Variants in EFL1 observed in about 807,000 individuals in gnomAD.
The protein encoded by EFL1 is elongation factor-like GTPase 1.
EFL1 carries 76 observed loss-of-function variants against 126.7 expected under a neutral mutation model. The observed-to-expected ratio is 0.60, with a 90% CI of 0.50 to 0.73. The LOEUF is 0.73. EFL1 is among the 30% of genes least tolerant of loss of function. The probability of loss-of-function intolerance (pLI) is 0.00; values close to 1 mark genes in which losing one functional copy is unlikely to be tolerated. For synonymous variants in EFL1, 410 were observed against 448.4 expected, an observed-to-expected ratio of 0.91 and a Z score of 1.08; for missense variants, 1,128 against 1,343.2, an observed-to-expected ratio of 0.84 and a Z score of 2.50.
Position 82,152,227 on chromosome 15 carries a change from T to C in EFL1, c.2227A>G (p.Thr743Ala). 1.2e-6 allele frequency: 2 copies of C among 1,614,170 alleles called. No homozygotes were observed. Among genetic ancestry groups the C allele is most frequent in the South Asian group, 2.2e-5 (2 of 91,076 alleles). The change falls in exon 18 of 20, where the codon ACA becomes GCA. Residue 743 changes from threonine (T) to alanine (A), a missense_variant. By Grantham distance (58) the Thr-to-Ala change is moderately conservative (BLOSUM62 0). This residue lies in a region of EFL1 where 561 missense variants were observed against 641.7 expected (regional missense o/e 0.87). Transcript: ENST00000268206. ...QVDSDGLITI[T>A]TPNKLATLSV... ...AGCGTGGCAAGTTTATTGGGAGTTGTTATGGTGATTAGCCCGTCAGAGTCA... is the reference window on the plus strand; with the variant it reads ...AGCGTGGCAAGTTTATTGGGAGTTGCTATGGTGATTAGCCCGTCAGAGTCA...
chr15:82,176,604 C>T (rs1324785647), intron 15 of EFL1, among the ~76,000 whole-genome samples: 2 of 152,112 alleles, frequency 1.3e-5, no homozygotes, highest in Non-Finnish European at 2.9e-5. Context: ...TAGTCACCAG[C>T]AAAATCTACG....
chr15:82,176,706 C>T (rs532364886), intron 15 of EFL1, among the ~76,000 whole-genome samples: 14 of 152,202 alleles, frequency 9.2e-5, no homozygotes, highest in Admixed American at 2.6e-4. Context: ...TTTCAGATAC[C>T]CCTGGTGGAA....
At chr15:82,226,433 C>T (rs2074764731) in intron 11 of EFL1, among the ~76,000 whole-genome samples, 1 of 152,112 alleles carries the variant, frequency 6.6e-6, no homozygotes, top group African/African-American at 2.4e-5. Flanking sequence ...GAAGAATAAA[C>T]AGGATTTGCT....
At chr15:82,130,627 G>A in intron 19 of EFL1, 66 bp from the exon 20 acceptor site, 1 of 1,536,578 alleles carries the variant, frequency 6.5e-7, no homozygotes, top group Non-Finnish European at 8.9e-7. Flanking sequence ...TATTCACTGA[G>A]CTCCCCAATT....
chr15:82,228,460 G>C (rs1283227356), intron 9 of EFL1, 133 bp from the exon 10 acceptor site: 3 of 1,164,956 alleles, frequency 2.6e-6, no homozygotes, highest in Non-Finnish European at 3.5e-6. Context: ...TGATTGAAGG[G>C]AATCCTGCCG....
At chr15:82,199,981 T>C (rs1210416579) in intron 15 of EFL1, among the ~76,000 whole-genome samples, 5 of 152,130 alleles carry the variant, frequency 3.3e-5, no homozygotes, top group Non-Finnish European at 7.3e-5. Context: ...AATCAAACAA[T>C]ACAGGCTTGC....
intron 19 of EFL1, among the ~76,000 whole-genome samples, chr15:82,134,954 T>TC (rs1217431237): frequency 1.3e-5 from 2 of 152,212 alleles, no homozygotes; most frequent in African/African-American, 4.8e-5. Flanking sequence ...AGAATACAAA[T>TC]GAAAAGAAGT....
intron 11 of EFL1, among the ~76,000 whole-genome samples, chr15:82,225,613 T>C (rs1455701874): frequency 6.6e-6 from 1 of 152,222 alleles, no homozygotes; most frequent in Non-Finnish European, 1.5e-5. Context: ...GAAAATAGAA[T>C]TGAGGAATGT....
At chr15:82,138,259 A>G (rs548539443) in intron 19 of EFL1, among the ~76,000 whole-genome samples, 2 of 151,716 alleles carry the variant, frequency 1.3e-5, no homozygotes, top group African/African-American at 2.4e-5. Context: ...TACTGGAGAT[A>G]TTTTTTTTTC....
intron 18 of EFL1, among the ~76,000 whole-genome samples, chr15:82,144,776 TGAGGTCAG>T (rs1445774922): frequency 6.6e-6 from 1 of 150,826 alleles, no homozygotes; most frequent in Non-Finnish European, 1.5e-5. Flanking sequence ...GGGAGGATCA[TGAGGTCAG>T]GAGATGGAGA....
intron 1 of EFL1, 68 bp downstream of exon 1, chr15:82,262,546 G>C (rs1290572282): frequency 4.4e-6 from 1 of 225,552 alleles, no homozygotes; most frequent in Non-Finnish European, 8.7e-6. Context: ...CGCAGCGAGC[G>C]GGTTCCTCCG....
At chr15:82,171,964 T>C (rs746450255) in intron 15 of EFL1, among the ~76,000 whole-genome samples, 3 of 151,880 alleles carry the variant, frequency 2.0e-5, no homozygotes, top group Non-Finnish European at 4.4e-5. Flanking sequence ...ATTTTAAGTA[T>C]ATGTAAACAA....
chr15:82,152,204 C>A lies in EFL1; in HGVS notation c.2250G>T (p.Thr750=), dbSNP rs371638127. Reference sequence around the variant, plus strand: ...GAAGGGGCATGGCTCGAACACTGAGCGTGGCAAGTTTATTGGGAGTTGTTA... The same window carrying A: ...GAAGGGGCATGGCTCGAACACTGAGAGTGGCAAGTTTATTGGGAGTTGTTA... ...ITITTPNKLA[T]LSVRAMPLPE... Residue 750 remains threonine, a synonymous_variant, in exon 18 of 20, where the codon ACG becomes ACT. Transcript: ENST00000268206. 9.3e-6 allele frequency: 15 copies of A among 1,614,006 alleles called. No individual in the cohort carries two copies. The highest frequency in any genetic ancestry group is 1.6e-4 in the Middle Eastern group (1 of 6,084).
At chr15:82,250,937 C>T (rs367733611) in intron 4 of EFL1, among the ~76,000 whole-genome samples, 2 of 152,190 alleles carry the variant, frequency 1.3e-5, no homozygotes, top group Admixed American at 6.5e-5. Flanking sequence ...CCTGGCTGGG[C>T]GCGGTGGCTC....
chr15:82,216,937 A>G (rs1453563091), intron 14 of EFL1, among the ~76,000 whole-genome samples: 3 of 152,192 alleles, frequency 2.0e-5, no homozygotes, highest in African/African-American at 7.2e-5. Context: ...ACAAGGAATT[A>G]GTATCCAGAA....
At chr15:82,231,683 C>T (rs1258181817) in intron 7 of EFL1, among the ~76,000 whole-genome samples, 4 of 125,046 alleles carry the variant, frequency 3.2e-5, no homozygotes, top group East Asian at 4.0e-4. Flanking sequence ...AAGGATATCC[C>T]CAGTTTTTTC....
chr15:82,178,148 C>T (rs1473974198), intron 15 of EFL1, among the ~76,000 whole-genome samples: 1 of 152,208 alleles, frequency 6.6e-6, no homozygotes, highest in African/African-American at 2.4e-5. Flanking sequence ...AAGAATTCCA[C>T]TGTAATACAA....
chr15:82,171,240 T>C (rs945643333), intron 15 of EFL1, among the ~76,000 whole-genome samples: 14 of 152,234 alleles, frequency 9.2e-5, no homozygotes, highest in African/African-American at 3.4e-4. Context: ...CTGTGAGCTA[T>C]TTCTGTTAGT....
At chr15:82,156,014 T>C (rs553242187) in intron 17 of EFL1, among the ~76,000 whole-genome samples, 1 of 152,336 alleles carries the variant, frequency 6.6e-6, no homozygotes, top group African/African-American at 2.4e-5. Flanking sequence ...TCTCTAACCC[T>C]GCGGTCAGCC....
Sources: allele counts gnomAD v4.1 joint callset (sites outside exome capture counted in the v4.1 genomes callset), GRCh38; gene constraint gnomAD v4.1.1; regional missense constraint gnomAD v4.1.1; transcripts MANE v1.5; gene names NCBI Gene and HGNC (gene_info 2026-07-23, HGNC 2026-07-21).